FRMD5: variants seen among roughly 807,000 people sequenced by gnomAD.
FRMD5 encodes FERM domain containing 5, also known as FERM domain-containing protein 5.
Under a neutral mutation model 69.0 loss-of-function variants are expected in FRMD5, and 20 were observed. The observed-to-expected ratio is 0.29, with a 90% CI of 0.20 to 0.42. The LOEUF (loss-of-function observed/expected upper bound fraction) is 0.42. Ranked by LOEUF, FRMD5 falls within the 10% of genes least tolerant of loss-of-function variation. FRMD5 has a pLI of 1.00. For synonymous variants in FRMD5, 271 were observed against 260.1 expected, an observed-to-expected ratio of 1.04 and a Z score of -0.40; for missense variants, 595 against 708.6, an observed-to-expected ratio of 0.84 and a Z score of 1.82.
intron 1 of FRMD5, among the ~76,000 whole-genome samples, chr15:44,094,579 C>T (rs1410169514): frequency 6.6e-6 from 1 of 152,182 alleles, no homozygotes; most frequent in Non-Finnish European, 1.5e-5. Flanking sequence ...CACCAGTGTA[C>T]AGAAATCTAA....
chr15:44,002,727 A>T (rs896475458), intron 1 of FRMD5, among the ~76,000 whole-genome samples: 1 of 152,170 alleles, frequency 6.6e-6, no homozygotes, highest in African/African-American at 2.4e-5. Flanking sequence ...CTATTAGGTC[A>T]GGGGTCGATC....
At chr15:44,158,927 G>A (rs1221460422) in intron 1 of FRMD5, among the ~76,000 whole-genome samples, 1 of 152,132 alleles carries the variant, frequency 6.6e-6, no homozygotes, top group East Asian at 1.9e-4. Flanking sequence ...CAATATCATG[G>A]GCAAGTATCA....
At chr15:43,919,608 A>G (rs1595519338) in intron 3 of FRMD5, 71 bp from the exon 4 acceptor site, 9 of 1,491,498 alleles carry the variant, frequency 6.0e-6, no homozygotes, top group East Asian at 2.3e-5. Context: ...TCTGCCCACT[A>G]GCATGAAGCA....
chr15:44,076,564 A>G (rs1893776455), intron 1 of FRMD5, among the ~76,000 whole-genome samples: 1 of 147,062 alleles, frequency 6.8e-6, no homozygotes, highest in Non-Finnish European at 1.5e-5. Flanking sequence ...ATAGGTGGGA[A>G]TTGAACTATG....
In FRMD5 at chr15:43,873,042, G is replaced by A. The variant is rs1400896747; in HGVS notation, c.*843C>T. ...ATCTATCTCTGGTACCACTGAATTCGTTTAACGCCCCTGGAGCACTATAAA... is the reference window on the plus strand; with the variant it reads ...ATCTATCTCTGGTACCACTGAATTCATTTAACGCCCCTGGAGCACTATAAA... On this transcript the variant is annotated 3_prime_UTR_variant, in exon 14 of 14. Coordinates refer to ENST00000417257, the MANE Select transcript of FRMD5 (RefSeq NM_032892.5). 1.1e-5 allele frequency: 8 copies of A among 755,744 alleles called. No homozygotes were observed. The highest frequency in any genetic ancestry group is 5.3e-5 in the African/African-American group (3 of 56,290). 46.8% of individuals were successfully genotyped at this position (755,744 alleles called of 1,614,324 possible).
chr15:44,077,468 TGATA>T (rs1893816848), intron 1 of FRMD5, among the ~76,000 whole-genome samples: 1 of 151,974 alleles, frequency 6.6e-6, no homozygotes, highest in South Asian at 2.1e-4. Context: ...CAAAAAGAAA[TGATA>T]AATAACTGCA....
At chr15:44,092,980 G>A (rs2076495774) in intron 1 of FRMD5, among the ~76,000 whole-genome samples, 1 of 138,428 alleles carries the variant, frequency 7.2e-6, no homozygotes, top group Non-Finnish European at 1.5e-5. Flanking sequence ...TCGCCAGGCT[G>A]GAGTGCAGTG....
rs529452503 is a variant in FRMD5, at chr15:44,017,556, T to C, written c.103-93247A>G. On this transcript the variant is annotated intron_variant, in intron 1 of 13. Coordinates refer to ENST00000417257, the MANE Select transcript of FRMD5 (RefSeq NM_032892.5). The stretch of plus-strand genomic sequence containing the variant: ...GTGTACACTGATAAATCAGTTGCCA[T>C]GTATTGAGCTGATTTTGGGCAAGTC... Among the ~76,000 whole-genome samples, 12 of 152,106 alleles carry C rather than the reference T, an allele frequency of 7.9e-5. No individual in the cohort carries two copies. In the East Asian group the frequency reaches 1.4e-3, roughly 17 times the overall value.
intron 1 of FRMD5, among the ~76,000 whole-genome samples, chr15:44,108,754 A>G (rs1421231604): frequency 6.6e-6 from 1 of 152,006 alleles, no homozygotes; most frequent in African/African-American, 2.4e-5. Context: ...CTCTGAAGCT[A>G]GGAGTTGGAG....
In FRMD5 at chr15:43,960,833, A is replaced by C. The variant is rs76363762; in HGVS notation, c.103-36524T>G. Among the ~76,000 whole-genome samples the C allele has an allele frequency of 1.4e-3, 217 of 152,356 alleles. 3 individuals are homozygous for C. In the East Asian group the frequency reaches 0.035, roughly 25 times the overall value. Reference sequence around the variant, plus strand: ...AAATGTAATTTAAAATCTGAGTCCCATTTTATGGCTTAAAGCTGAGTAGCA... The same window carrying C: ...AAATGTAATTTAAAATCTGAGTCCCCTTTTATGGCTTAAAGCTGAGTAGCA... On this transcript the variant is annotated intron_variant, in intron 1 of 13. Transcript: ENST00000417257.
intron 1 of FRMD5, among the ~76,000 whole-genome samples, chr15:44,180,006 CA>C (rs1408938045): frequency 6.1e-5 from 8 of 130,270 alleles, no homozygotes; most frequent in Admixed American, 9.0e-5. Context: ...CACCTGTGAA[CA>C]GACACTGCAT....
rs11858955 is a variant in FRMD5 at position 43,954,095 on chromosome 15, C to A, written c.103-29786G>T. Among the ~76,000 whole-genome samples, 793 of 152,306 alleles carry A rather than the reference C, an allele frequency of 5.2e-3. 5 individuals carry two copies. The highest frequency in any genetic ancestry group is 8.7e-3 in the Non-Finnish European group (593 of 68,020). On this transcript the variant is annotated intron_variant, in intron 1 of 13. Transcript: ENST00000417257. ...TGAGCTGCACGTGAGGGAAAGCAAGCTACCTGGCCAAGCCCTGTCGATGCC... is the reference window on the plus strand; with the variant it reads ...TGAGCTGCACGTGAGGGAAAGCAAGATACCTGGCCAAGCCCTGTCGATGCC...
intron 1 of FRMD5, among the ~76,000 whole-genome samples, chr15:44,093,871 C>G (rs140290533): frequency 6.6e-6 from 1 of 151,936 alleles, no homozygotes; most frequent in African/African-American, 2.4e-5. Flanking sequence ...CACGCCCGGC[C>G]CCTAATATCT....
intron 1 of FRMD5, among the ~76,000 whole-genome samples, chr15:44,155,844 C>T (rs902662751): frequency 5.9e-5 from 9 of 152,152 alleles, no homozygotes; most frequent in Non-Finnish European, 1.2e-4. Context: ...ATCCGCCCGC[C>T]TCAGCCTTCC....
rs374119619 is a variant in FRMD5 at position 43,923,044 on chromosome 15, T to C, written c.207+1161A>G. On this transcript the variant is annotated intron_variant, in intron 2 of 13. Coordinates refer to ENST00000417257, the MANE Select transcript of FRMD5 (RefSeq NM_032892.5). ...CATTACCTCTCTACTTTGGTGGGGATGCCAGAGAGTACATCTCCACAAAGA... is the reference window on the plus strand; with the variant it reads ...CATTACCTCTCTACTTTGGTGGGGACGCCAGAGAGTACATCTCCACAAAGA... Among the ~76,000 whole-genome samples, 22 of 152,282 alleles carry C rather than the reference T, an allele frequency of 1.4e-4. No homozygotes were observed. The East Asian group carries it at 3.1e-3, about 21-fold the overall frequency.
intron 4 of FRMD5, among the ~76,000 whole-genome samples, chr15:43,912,017 C>T (rs2140423402): frequency 6.6e-6 from 1 of 152,290 alleles, no homozygotes; most frequent in Non-Finnish European, 1.5e-5. Flanking sequence ...GTGTAGCCCA[C>T]ATATCAGGGG....
At chr15:44,017,346 A>C (rs1017586146) in intron 1 of FRMD5, among the ~76,000 whole-genome samples, 15 of 151,872 alleles carry the variant, frequency 9.9e-5, no homozygotes, top group Admixed American at 7.9e-4. Context: ...TCAGAAAAAA[A>C]AAAACAAAAA....
intron 1 of FRMD5, among the ~76,000 whole-genome samples, chr15:43,984,194 T>A (rs1489706628): frequency 1.3e-5 from 2 of 152,216 alleles, no homozygotes; most frequent in African/African-American, 4.8e-5. Context: ...CTCTCAGAAT[T>A]ACAGGCAGAC....
intron 1 of FRMD5, among the ~76,000 whole-genome samples, chr15:44,050,188 ATTC>A (rs1251125459): frequency 8.5e-5 from 13 of 152,210 alleles, no homozygotes; most frequent in Non-Finnish European, 1.9e-4. Flanking sequence ...AATATCAGCT[ATTC>A]TAGTTTCCAT....
Sources: gnomAD v4.1 joint callset for allele counts (sites outside exome capture counted in the v4.1 genomes callset) on GRCh38, gnomAD v4.1.1 for gene constraint, MANE v1.5 for transcripts, NCBI Gene and HGNC (gene_info 2026-07-23, HGNC 2026-07-21) for gene names.